The following IRF2 variants were observed in gnomAD, a reference collection of about 807,000 sequenced individuals.
IRF2 encodes interferon regulatory factor 2.
Under a neutral mutation model 40.6 loss-of-function variants are expected in IRF2, and 15 were observed. That is an observed-to-expected ratio of 0.37 (90% CI 0.25 to 0.57). IRF2 has a LOEUF of 0.57. Among genes scored for constraint, IRF2 ranks in the 20% least tolerant of loss-of-function variants. The pLI, the probability that IRF2 is intolerant of heterozygous loss-of-function variation, is 0.77. For missense variants in IRF2, 317 were observed against 455.7 expected, an observed-to-expected ratio of 0.70 and a Z score of 2.77; for synonymous variants, 151 against 165.5, an observed-to-expected ratio of 0.91 and a Z score of 0.67.
chr4:184,411,904 C>T (rs1336899578), intron 5 of IRF2, among the ~76,000 whole-genome samples: 1 of 151,518 alleles, frequency 6.6e-6, no homozygotes, highest in Non-Finnish European at 1.5e-5. Context: ...ATTCACATCC[C>T]CTCTGTCTGC....
chr4:184,461,330 C>T (rs1217413420), intron 1 of IRF2, among the ~76,000 whole-genome samples: 2 of 152,138 alleles, frequency 1.3e-5, no homozygotes, highest in Admixed American at 1.3e-4. Context: ...AAAATGTATA[C>T]ACTTGGCAAA....
At chr4:184,460,667 ACACACACACACATGCACG>A (rs1444170017) in intron 1 of IRF2, among the ~76,000 whole-genome samples, 4 of 146,164 alleles carry the variant, frequency 2.7e-5, no homozygotes, top group Admixed American at 6.8e-5. Context: ...ATGCACGCGC[ACACACACACACATGCACG>A]CACACACACA....
chr4:184,440,931 G>A (rs1297236198), intron 1 of IRF2, among the ~76,000 whole-genome samples: 1 of 152,184 alleles, frequency 6.6e-6, no homozygotes, highest in African/African-American at 2.4e-5. Flanking sequence ...AGAGGTGATG[G>A]CTGGGCTACT....
chr4:184,403,632 A>G (rs896664418), intron 6 of IRF2, among the ~76,000 whole-genome samples: 1 of 152,200 alleles, frequency 6.6e-6, no homozygotes, highest in Non-Finnish European at 1.5e-5. Context: ...ATTCAATGTT[A>G]GCCTTACCCA....
intron 1 of IRF2, among the ~76,000 whole-genome samples, chr4:184,468,412 A>C (rs1739405157): frequency 6.6e-6 from 1 of 151,152 alleles, no homozygotes; most frequent in Non-Finnish European, 1.5e-5. Context: ...ACTTTAACCC[A>C]GGAGGCGGAG....
At chr4:184,398,354 A>C (rs1736539514) in intron 7 of IRF2, among the ~76,000 whole-genome samples, 1 of 152,150 alleles carries the variant, frequency 6.6e-6, no homozygotes, top group Admixed American at 6.5e-5. Context: ...ATCTGTAACC[A>C]TATATAAAAA....
intron 1 of IRF2, among the ~76,000 whole-genome samples, chr4:184,459,156 C>T (rs1167385591): frequency 1.3e-5 from 2 of 152,026 alleles, no homozygotes; most frequent in Non-Finnish European, 2.9e-5. Context: ...ATGATAAATT[C>T]ACTACCATAT....
At chr4:184,462,633 A>G (rs1739185555) in intron 1 of IRF2, among the ~76,000 whole-genome samples, 2 of 152,244 alleles carry the variant, frequency 1.3e-5, no homozygotes, top group Non-Finnish European at 2.9e-5. Flanking sequence ...CCTACAAGAA[A>G]GTATTAGGAT....
intron 2 of IRF2, among the ~76,000 whole-genome samples, chr4:184,424,656 A>G (rs1196932992): frequency 1.3e-5 from 2 of 152,190 alleles, no homozygotes; most frequent in African/African-American, 4.8e-5. Flanking sequence ...GCAGCCCCTC[A>G]ACCTTGGACT....
intron 1 of IRF2, among the ~76,000 whole-genome samples, chr4:184,465,210 G>A (rs1224018600): frequency 6.6e-6 from 1 of 152,188 alleles, no homozygotes; most frequent in Non-Finnish European, 1.5e-5. Context: ...AGTAGCCACA[G>A]CTGTCTGAGG....
At chr4:184,457,752 C>T (rs1738996111) in intron 1 of IRF2, among the ~76,000 whole-genome samples, 1 of 152,078 alleles carries the variant, frequency 6.6e-6, no homozygotes, top group African/African-American at 2.4e-5. Flanking sequence ...TCCAACGCTG[C>T]AGGTGCACAG....
intron 2 of IRF2, among the ~76,000 whole-genome samples, chr4:184,422,331 G>A (rs1737512774): frequency 6.6e-6 from 1 of 152,238 alleles, no homozygotes; most frequent in African/African-American, 2.4e-5. Flanking sequence ...ACACATCGCT[G>A]TGGAAATGCA....
At chr4:184,394,359 G>A (rs190690126) in intron 7 of IRF2, among the ~76,000 whole-genome samples, 72 of 152,298 alleles carry the variant, frequency 4.7e-4, no homozygotes, top group African/African-American at 1.4e-3. Flanking sequence ...GGAACACTGC[G>A]GGAAGGGAGA....
rs1287678465 is a variant in IRF2, at chr4:184,418,437, AC to A, written c.364+94del. On this transcript the variant is annotated intron_variant, in intron 4 of 8. Coordinates refer to ENST00000393593, the MANE Select transcript of IRF2 (RefSeq NM_002199.4). The stretch of plus-strand genomic sequence containing the variant: ...CCCTACAGCATGAACAGGCTATTCT[AC>A]CTGCAAACTGACTGCAGATGTAGAA... The A allele has an allele frequency of 1.2e-5, 15 of 1,214,034 alleles. No homozygotes were observed. In the African/African-American group the frequency reaches 1.9e-4, roughly 16 times the overall value. The allele number at this position is 1,214,034 out of a possible 1,614,324, so 75.2% of individuals were successfully genotyped here. A position where few individuals can be genotyped will look rare whatever the true frequency, so the allele number is the denominator to read the frequency against.
chr4:184,418,862 G>A (rs1485169282), intron 3 of IRF2, among the ~76,000 whole-genome samples, 154 bp from the exon 4 acceptor site: 1 of 151,974 alleles, frequency 6.6e-6, no homozygotes, highest in Non-Finnish European at 1.5e-5. Flanking sequence ...GTGTACCTGG[G>A]GGTGAGAAAG....
intron 8 of IRF2, among the ~76,000 whole-genome samples, chr4:184,389,459 G>A (rs555196361): frequency 3.3e-5 from 5 of 152,268 alleles, no homozygotes; most frequent in African/African-American, 7.2e-5. Flanking sequence ...TGAAAAATGT[G>A]TCGTTCCCAT....
chr4:184,420,855 A>G (rs1737458207), intron 2 of IRF2, among the ~76,000 whole-genome samples: 1 of 152,250 alleles, frequency 6.6e-6, no homozygotes, highest in Non-Finnish European at 1.5e-5. Context: ...CTATTTAGTC[A>G]AGGAACTTGC....
At chr4:184,454,870 G>C (rs1237045292) in intron 1 of IRF2, among the ~76,000 whole-genome samples, 1 of 152,164 alleles carries the variant, frequency 6.6e-6, no homozygotes, top group Non-Finnish European at 1.5e-5. Context: ...ATGTTAGGAG[G>C]AAAAGTATGA....
chr4:184,411,305 C>T (rs532981189), intron 5 of IRF2, among the ~76,000 whole-genome samples: 18 of 152,208 alleles, frequency 1.2e-4, no homozygotes, highest in African/African-American at 3.6e-4. Context: ...GTGATCTGCC[C>T]ACCTCGGCCT....
Sources: allele counts gnomAD v4.1 joint callset (sites outside exome capture counted in the v4.1 genomes callset), GRCh38; gene constraint gnomAD v4.1.1; transcripts MANE v1.5; gene names NCBI Gene and HGNC (gene_info 2026-07-23, HGNC 2026-07-21).